The following CDKAL1 variants were observed in gnomAD, a reference collection of about 807,000 sequenced individuals.
The protein encoded by CDKAL1 is threonylcarbamoyladenosine tRNA methylthiotransferase.
CDKAL1 carries 32 observed loss-of-function variants against 68.2 expected under a neutral mutation model. The ratio of observed to expected loss-of-function variants is 0.47; its 90% CI spans 0.35 to 0.63. The LOEUF (loss-of-function observed/expected upper bound fraction) is 0.63. Among genes scored for constraint, CDKAL1 ranks in the 30% least tolerant of loss-of-function variants. The pLI is 0.00. For missense variants in CDKAL1, 606 were observed against 696.7 expected (o/e 0.87, Z 1.47); for synonymous variants, 234 against 244.3 (o/e 0.96, Z 0.39).
intron 10 of CDKAL1, among the ~76,000 whole-genome samples, chr6:20,981,830 G>C (rs1487601926): frequency 6.6e-6 from 1 of 152,156 alleles, no homozygotes; most frequent in Non-Finnish European, 1.5e-5. Context: ...AACACTGCGA[G>C]TCTGTCTCAA....
At chr6:20,802,270 C>T (rs1776396444) in intron 8 of CDKAL1, among the ~76,000 whole-genome samples, 1 of 150,932 alleles carries the variant, frequency 6.6e-6, no homozygotes, top group African/African-American at 2.4e-5. Context: ...TGCACTCCAG[C>T]CTGGCAACAA....
chr6:20,873,985 G>T (rs1252178820), intron 9 of CDKAL1, among the ~76,000 whole-genome samples: 1 of 152,168 alleles, frequency 6.6e-6, no homozygotes, highest in East Asian at 1.9e-4. Context: ...GGTGCTTAAG[G>T]GTGGCAGTCC....
chr6:20,776,000 A>T (rs1002845153), intron 7 of CDKAL1, among the ~76,000 whole-genome samples: 3 of 139,432 alleles, frequency 2.2e-5, no homozygotes, highest in Non-Finnish European at 4.6e-5. Flanking sequence ...GTTTTCAATT[A>T]AAAAAAAAAA....
chr6:20,630,071 G>T (rs947435434), intron 4 of CDKAL1, among the ~76,000 whole-genome samples: 2 of 152,006 alleles, frequency 1.3e-5, no homozygotes, highest in Non-Finnish European at 2.9e-5. Flanking sequence ...GTTTCACCAT[G>T]TTGGCCATGC....
In CDKAL1 at chr6:21,078,997, C is replaced by G. The variant is rs556431506; in HGVS notation, c.1236+13769C>G. 4.6e-5 allele frequency among the ~76,000 whole-genome samples: 7 copies of G among 152,224 alleles called. No individual in the cohort carries two copies. The South Asian group carries it at 1.2e-3, about 27-fold the overall frequency. On this transcript the variant is annotated intron_variant, in intron 12 of 15. Coordinates refer to ENST00000274695, the MANE Select transcript of CDKAL1 (RefSeq NM_017774.3). ...TTGACAGATGCTGTAAAATTGAATT[C>G]TGAGAGTTGAGATGCCATCAGCTGT...
intron 7 of CDKAL1, among the ~76,000 whole-genome samples, chr6:20,767,776 A>AT (rs1774765590): frequency 1.3e-5 from 2 of 152,130 alleles, no homozygotes. Context: ...TGATTGGCAC[A>AT]TTTTTTCTTT....
intron 8 of CDKAL1, among the ~76,000 whole-genome samples, chr6:20,787,725 T>C (rs562030738): frequency 6.6e-6 from 1 of 152,256 alleles, no homozygotes; most frequent in East Asian, 1.9e-4. Context: ...TCTTTAATGG[T>C]CTAGGCCAGT....
chr6:20,973,360 A>G, intron 10 of CDKAL1, among the ~76,000 whole-genome samples: 1 of 152,100 alleles, frequency 6.6e-6, no homozygotes, highest in East Asian at 1.9e-4. Context: ...TTTTCTCATG[A>G]TTGATAGGGT....
At chr6:21,224,898 G>A (rs116633662) in intron 15 of CDKAL1, among the ~76,000 whole-genome samples, 46 of 152,310 alleles carry the variant, frequency 3.0e-4, no homozygotes, top group African/African-American at 1.1e-3. Context: ...TTACTTGTCA[G>A]TCTAATAAGA....
At chr6:21,203,403 A>G (rs1453366903) in intron 15 of CDKAL1, among the ~76,000 whole-genome samples, 4 of 150,840 alleles carry the variant, frequency 2.7e-5, no homozygotes, top group Non-Finnish European at 4.4e-5. Context: ...CGCCCGGCTA[A>G]TTTTTTATTT....
chr6:20,964,956 A>G (rs549177796), intron 10 of CDKAL1, among the ~76,000 whole-genome samples: 1 of 152,296 alleles, frequency 6.6e-6, no homozygotes, highest in Non-Finnish European at 1.5e-5. Context: ...GGAAAAGAAC[A>G]TAGGGATACC....
chr6:20,776,774 GT>G (rs1454240154), intron 7 of CDKAL1, among the ~76,000 whole-genome samples: 2 of 152,302 alleles, frequency 1.3e-5, no homozygotes, highest in African/African-American at 4.8e-5. Context: ...ACTGAAAAGT[GT>G]TTATTCATGA....
chr6:20,675,029 TA>T (rs1468330181), intron 5 of CDKAL1, among the ~76,000 whole-genome samples: 2 of 152,186 alleles, frequency 1.3e-5, no homozygotes, highest in Non-Finnish European at 2.9e-5. Context: ...GATTTTCTAA[TA>T]TTGAATTTAC....
chr6:20,958,609 A>G (rs1252198138), intron 10 of CDKAL1, among the ~76,000 whole-genome samples: 7 of 152,212 alleles, frequency 4.6e-5, no homozygotes, highest in Middle Eastern at 3.2e-3. Flanking sequence ...AAAACAGAAG[A>G]TGAAAACAGA....
chr6:20,634,977 C>CAAAAAA (rs142659533), intron 4 of CDKAL1, among the ~76,000 whole-genome samples: 6 of 99,846 alleles, frequency 6.0e-5, no homozygotes, highest in Admixed American at 1.1e-4. Context: ...AACCCCGTCT[C>CAAAAAA]AAAAAAAAAA....
At chr6:20,858,895 C>T (rs1432421934) in intron 9 of CDKAL1, among the ~76,000 whole-genome samples, 1 of 151,996 alleles carries the variant, frequency 6.6e-6, no homozygotes, top group Non-Finnish European at 1.5e-5. Context: ...TGTTACTTTT[C>T]TTGGGGACAA....
intron 9 of CDKAL1, among the ~76,000 whole-genome samples, chr6:20,854,773 T>A (rs1759234929): frequency 6.6e-6 from 1 of 152,190 alleles, no homozygotes; most frequent in South Asian, 2.1e-4. Context: ...TATTGGTGAG[T>A]TTTATTTACG....
At chr6:20,781,351 G>T in intron 8 of CDKAL1, 86 bp downstream of exon 8, 1 of 1,183,950 alleles carries the variant, frequency 8.4e-7, no homozygotes, top group Non-Finnish European at 1.2e-6. Flanking sequence ...ACATAGAAAA[G>T]TAGCTGAACA....
intron 9 of CDKAL1, among the ~76,000 whole-genome samples, chr6:20,908,776 C>G (rs115448871): frequency 0.023 from 3,483 of 152,188 alleles, 143 homozygotes; most frequent in African/African-American, 0.079. Flanking sequence ...CATTGTCTGT[C>G]TTAAAGTGAT....
Sources: gnomAD v4.1 joint callset for allele counts (sites outside exome capture counted in the v4.1 genomes callset) on GRCh38, gnomAD v4.1.1 for gene constraint, MANE v1.5 for transcripts, NCBI Gene and HGNC (gene_info 2026-07-23, HGNC 2026-07-21) for gene names.